The following WWP2 variants were observed in gnomAD, a reference collection of about 807,000 sequenced individuals.
WWP2 encodes WW domain containing E3 ubiquitin protein ligase 2.
WWP2 carries 57 observed loss-of-function variants against 121.0 expected under a neutral mutation model. The ratio of observed to expected loss-of-function variants is 0.47; its 90% CI spans 0.38 to 0.59. WWP2 has a LOEUF of 0.59. WWP2 is among the 20% of genes least tolerant of loss of function. The pLI is 0.00. For missense variants in WWP2, 962 were observed against 1,158.9 expected (o/e 0.83, Z 2.47); for synonymous variants, 449 against 441.3 (o/e 1.02, Z -0.22).
intron 1 of WWP2, among the ~76,000 whole-genome samples, chr16:69,771,888 T>C (rs1343647254): frequency 2.0e-5 from 3 of 151,942 alleles, no homozygotes; most frequent in Non-Finnish European, 4.4e-5. Context: ...TTATCCCTAT[T>C]GTCAACTATG....
rs1365603733 is a variant in WWP2 at position 69,924,695 on chromosome 16, A to T, written c.1180-735A>T. On this transcript the variant is annotated intron_variant, in intron 10 of 23. Transcript: ENST00000359154. ...TCTTGCTGCCCCACCCCCAGCCCCA[A>T]CACCCCCCACCCCCCCCACCCCCAC... Among the ~76,000 whole-genome samples, 12 of 92,012 alleles carry T rather than the reference A, an allele frequency of 1.3e-4. No homozygotes were observed. In the South Asian group the frequency reaches 4.5e-3, roughly 34 times the overall value. The allele number at this position is 92,012 out of a possible 152,430, so 60.4% of individuals were successfully genotyped here.
intron 2 of WWP2, among the ~76,000 whole-genome samples, chr16:69,791,229 T>C (rs1014054999): frequency 2.0e-5 from 3 of 151,518 alleles, no homozygotes; most frequent in Non-Finnish European, 4.4e-5. Context: ...TCTTTTTTTC[T>C]TTCTTTTTTT....
intron 4 of WWP2, chr16:69,838,715 T>G (rs2056921760): frequency 1.0e-6 from 1 of 985,292 alleles, no homozygotes; most frequent in Non-Finnish European, 1.2e-6. Context: ...GGAACTCGTT[T>G]CCTTTGGAAA....
At chr16:69,847,742 CA>C (rs2057111738) in intron 6 of WWP2, among the ~76,000 whole-genome samples, 1 of 152,026 alleles carries the variant, frequency 6.6e-6, no homozygotes, top group African/African-American at 2.4e-5. Context: ...TGCAGGTTCC[CA>C]ACAGAGAGAA....
intron 9 of WWP2, among the ~76,000 whole-genome samples, chr16:69,912,980 ATATATATATATATATTTTTTTTTT>A (rs2058416661): frequency 8.1e-5 from 1 of 12,334 alleles, no homozygotes; most frequent in Non-Finnish European, 1.5e-4. Flanking sequence ...ATATATATAT[ATATATATATATATATTTTTTTTTT>A]TTTTTTTTTT....
intron 6 of WWP2, among the ~76,000 whole-genome samples, chr16:69,851,114 G>A (rs969362438): frequency 6.7e-6 from 1 of 149,836 alleles, no homozygotes; most frequent in East Asian, 2.0e-4. Context: ...AGGTTCAAGT[G>A]AGTCTCATGC....
At chr16:69,850,546 G>T (rs2057188818) in intron 6 of WWP2, among the ~76,000 whole-genome samples, 1 of 152,146 alleles carries the variant, frequency 6.6e-6, no homozygotes, top group South Asian at 2.1e-4. Context: ...ACCTAGATAT[G>T]CCTGGGAGAT....
chr16:69,793,472 C>T (rs1422299081), intron 2 of WWP2, among the ~76,000 whole-genome samples: 1 of 152,108 alleles, frequency 6.6e-6, no homozygotes, highest in Non-Finnish European at 1.5e-5. Flanking sequence ...ATCAGTCTTC[C>T]TGGAGGCTCA....
intron 16 of WWP2, chr16:69,933,022 C>T (rs573344298): frequency 1.7e-5 from 8 of 477,130 alleles, no homozygotes; most frequent in Non-Finnish European, 2.6e-5. Context: ...TCCTTTTTTC[C>T]GTGGTGACCT....
chr16:69,818,840 C>T (rs2056543241), intron 4 of WWP2, among the ~76,000 whole-genome samples: 1 of 152,106 alleles, frequency 6.6e-6, no homozygotes, highest in African/African-American at 2.4e-5. Flanking sequence ...ATTTACCCCC[C>T]TTTCATTCAC....
chr16:69,903,591 A>G (rs916705704), intron 8 of WWP2, among the ~76,000 whole-genome samples: 1 of 152,026 alleles, frequency 6.6e-6, no homozygotes, highest in Non-Finnish European at 1.5e-5. Context: ...ACATGGTGAA[A>G]CCCCATCTCT....
At chr16:69,784,164 A>T (rs1183885062) in intron 1 of WWP2, among the ~76,000 whole-genome samples, 2 of 123,638 alleles carry the variant, frequency 1.6e-5, no homozygotes, top group African/African-American at 6.5e-5. Flanking sequence ...CAGTGGCATG[A>T]TCTCGGCGCA....
At chr16:69,785,274 A>G (rs1379003263) in intron 1 of WWP2, among the ~76,000 whole-genome samples, 1 of 151,898 alleles carries the variant, frequency 6.6e-6, no homozygotes, top group Non-Finnish European at 1.5e-5. Flanking sequence ...AGATGATGGA[A>G]GGAGGGAGGA....
chr16:69,905,718 C>T (rs1016964383), intron 8 of WWP2, among the ~76,000 whole-genome samples: 2 of 152,234 alleles, frequency 1.3e-5, no homozygotes, highest in African/African-American at 4.8e-5. Flanking sequence ...GAAGGCTGCT[C>T]ACTTTGAGAT....
At chr16:69,896,458 A>G (rs1213962882) in intron 8 of WWP2, among the ~76,000 whole-genome samples, 1 of 152,122 alleles carries the variant, frequency 6.6e-6, no homozygotes, top group Non-Finnish European at 1.5e-5. Context: ...AGAGTAAAGA[A>G]TATTGTGTCC....
chr16:69,831,532 A>T (rs2056793677), intron 4 of WWP2, among the ~76,000 whole-genome samples: 2 of 152,160 alleles, frequency 1.3e-5, no homozygotes. Flanking sequence ...TGCAAACAAC[A>T]TATTTTTAAA....
intron 10 of WWP2, among the ~76,000 whole-genome samples, chr16:69,920,071 A>G (rs1202394628): frequency 1.3e-5 from 2 of 152,192 alleles, no homozygotes; most frequent in Non-Finnish European, 2.9e-5. Flanking sequence ...CTGGGATTAC[A>G]GGTGTGAGTC....
chr16:69,892,422 C>A (rs1567411745), intron 8 of WWP2, among the ~76,000 whole-genome samples: 4 of 150,462 alleles, frequency 2.7e-5, no homozygotes. Context: ...AACAATGATT[C>A]TCTTAAACAA....
At chr16:69,831,985 C>T (rs118086566) in intron 4 of WWP2, among the ~76,000 whole-genome samples, 6,790 of 151,994 alleles carry the variant, frequency 0.045, 181 homozygotes, top group South Asian at 0.078. Flanking sequence ...GGTACCACCA[C>T]GCCCAGCTAA....
Sources: gnomAD v4.1 joint callset for allele counts (sites outside exome capture counted in the v4.1 genomes callset) on GRCh38, gnomAD v4.1.1 for gene constraint, MANE v1.5 for transcripts, NCBI Gene and HGNC (gene_info 2026-07-23, HGNC 2026-07-21) for gene names.